The following ITPR3 variants were observed in gnomAD, a reference collection of about 807,000 sequenced individuals.
ITPR3 encodes inositol 1,4,5-trisphosphate receptor type 3.
In ITPR3, 173 loss-of-function variants were observed where a neutral mutation model predicts 293.2. That is an observed-to-expected ratio of 0.59 (90% CI 0.52 to 0.67). The LOEUF (loss-of-function observed/expected upper bound fraction) is 0.67, where lower values mean the gene tolerates loss of function less well. Among genes scored for constraint, ITPR3 ranks in the 30% least tolerant of loss-of-function variants. ITPR3 has a pLI of 0.00. For missense variants in ITPR3, 2,796 were observed against 3,592.1 expected, an observed-to-expected ratio of 0.78 and a Z score of 5.66; for synonymous variants, 1,295 against 1,444.4, an observed-to-expected ratio of 0.90 and a Z score of 2.35.
At position 33,672,766 on chromosome 6, in the gene ITPR3, C is replaced by CG. The variant is rs931551189; in HGVS notation, c.2928+544dup. ...AAAGCGGGGAGGTAAAAGCGGGGGC[C>CG]GGGGGGTGCTTTCCCAAGGTCACAG... is the stretch of plus-strand genomic sequence containing the variant. On this transcript the variant is annotated intron_variant, in intron 22 of 57. Coordinates refer to ENST00000605930, the MANE Select transcript of ITPR3 (RefSeq NM_002224.4). This position sits in a 1 kb window ranked among gnomAD's most constrained non-coding sequence, Gnocchi z 5.0. Among the ~76,000 whole-genome samples the CG allele has an allele frequency of 2.0e-5, 3 of 151,858 alleles. No homozygotes were observed. The highest frequency in any genetic ancestry group is 7.3e-5 in the African/African-American group (3 of 41,312).
At chr6:33,663,222 C>T (rs1223674420) in intron 9 of ITPR3, among the ~76,000 whole-genome samples, 1 of 152,158 alleles carries the variant, frequency 6.6e-6, no homozygotes, top group African/African-American at 2.4e-5. Context: ...AGGCACTATT[C>T]TAGGCACAGG....
In ITPR3 at chr6:33,669,078, A is replaced by T. The variant is rs755852718; in HGVS notation, c.2111A>T (p.His704Leu). ...TGGACTGACAAGAATAACGAGCATC[A>T]TGAGAAGAGTGTGAGGCAGCTGGCC... ...LTWTDKNNEH[H>L]EKSVRQLAQE... Residue 704 changes from histidine to leucine, a missense_variant, in exon 18 of 58, where the codon CAT becomes CTT. By Grantham distance (99) the His-to-Leu change is moderately conservative. Around this residue, in one of 8 missense-constraint regions of ITPR3, gnomAD observed 955 missense variants for 1,180.8 expected, o/e 0.81. Transcript: ENST00000605930. 6.2e-7 allele frequency: 1 copy of T among 1,614,218 alleles called. No individual in the cohort carries two copies. The highest frequency in any genetic ancestry group is 2.2e-5 in the East Asian group (1 of 44,886).
At position 33,640,517 on chromosome 6, in the gene ITPR3, G is replaced by T; in HGVS notation, c.123G>T (p.Ala41=). The part of the protein sequence containing the change: ...LVDDRCVVEP[A]AGDLDNPPKK... The stretch of plus-strand genomic sequence containing the variant: ...ATGACCGCTGTGTGGTGGAGCCCGC[G>T]GCCGGGGACCTGGACAACCCCCCTA... Residue 41 remains alanine (A), a synonymous_variant, in exon 2 of 58, where the codon GCG becomes GCT. Coordinates refer to ENST00000605930, the MANE Select transcript of ITPR3 (RefSeq NM_002224.4). The T allele has an allele frequency of 6.2e-7, 1 of 1,613,694 alleles. No homozygotes were observed. The highest frequency in any genetic ancestry group is 1.7e-5 in the Admixed American group (1 of 59,952).
rs536497926 is a variant in ITPR3 at position 33,638,388 on chromosome 6, C to T, written c.90-2096C>T. On this transcript the variant is annotated intron_variant, in intron 1 of 57. Coordinates refer to ENST00000605930, the MANE Select transcript of ITPR3 (RefSeq NM_002224.4). The surrounding 1 kb of genome is among the most constrained non-coding windows in gnomAD (Gnocchi z 4.3). Reference sequence around the variant, plus strand: ...CTCTCCTTCCAGGAGGAGGTCGTGACGGAGGTGGGGCTGAAAATGGGAACC... The same window carrying T: ...CTCTCCTTCCAGGAGGAGGTCGTGATGGAGGTGGGGCTGAAAATGGGAACC... Among the ~76,000 whole-genome samples the T allele has an allele frequency of 6.6e-6, 1 of 152,178 alleles. No individual in the cohort carries two copies. The highest frequency in any genetic ancestry group is 1.5e-5 in the Non-Finnish European group (1 of 68,030).
At position 33,687,722 on chromosome 6, in the gene ITPR3, G is replaced by A. The variant is rs192085024; in HGVS notation, c.6264+158G>A. ...AGGGGGCTGATTGGGACTGGCAGCC[G>A]TGGGTGAAACCCAGACAGAAATGGA... On this transcript the variant is annotated intron_variant, in intron 46 of 57. Transcript: ENST00000605930. The surrounding 1 kb of genome is among the most constrained non-coding windows in gnomAD (Gnocchi z 5.3). 1.2e-3 allele frequency among the ~76,000 whole-genome samples: 177 copies of A among 152,260 alleles called. 1 individual carries two copies. The highest frequency in any genetic ancestry group is 3.9e-3 in the African/African-American group (162 of 41,558).
In ITPR3 at chr6:33,692,965, G is replaced by C. The variant is rs1483520563; in HGVS notation, c.7624+72G>C. 2.6e-6 allele frequency: 4 copies of C among 1,531,546 alleles called. No homozygotes were observed. The highest frequency in any genetic ancestry group is 3.6e-5 in the Admixed American group (2 of 56,048). 94.9% of individuals were successfully genotyped at this position (1,531,546 alleles called of 1,614,324 possible). A position where few individuals can be genotyped will look rare whatever the true frequency, so the allele number is the denominator to read the frequency against. ...GTCATCTGATGCCAGTGGCAGTAGC[G>C]GTTTGGCCCTTCCTGCCCTGGGGAA... On this transcript the variant is annotated intron_variant, in intron 55 of 57. Transcript: ENST00000605930. This position sits in a 1 kb window ranked among gnomAD's most constrained non-coding sequence, Gnocchi z 4.2.
Position 33,682,856 on chromosome 6 carries a change from C to T in ITPR3, c.4597+212C>T, listed in dbSNP as rs1005105159. 2.6e-5 allele frequency among the ~76,000 whole-genome samples: 4 copies of T among 152,128 alleles called. No homozygotes were observed. The highest frequency in any genetic ancestry group is 4.4e-5 in the Non-Finnish European group (3 of 68,034). On this transcript the variant is annotated intron_variant, in intron 34 of 57. Transcript: ENST00000605930. The surrounding 1 kb of genome is among the most constrained non-coding windows in gnomAD (Gnocchi z 5.4). ...GGTCAGTTCCCCAGAGAAGGATGCT[C>T]GCCGACATTCTCCAGCTAGTTTTTT...
chr6:33,678,707 GC>G lies in ITPR3; in HGVS notation c.3842del (p.Pro1281LeufsTer40). 1.9e-6 allele frequency: 3 copies of G among 1,613,452 alleles called. No homozygotes were observed. The highest frequency in any genetic ancestry group is 2.5e-6 in the Non-Finnish European group (3 of 1,179,850). ...NYQLCSEISE[P>X]VLQHFVHLLA... ...ATCAGCTCTGCTCCGAGATCAGCGAGCCTGTGTTGCAGCACTTCGTGCACCT... is the reference window on the plus strand; with the variant it reads ...ATCAGCTCTGCTCCGAGATCAGCGAGCTGTGTTGCAGCACTTCGTGCACCT... On this transcript the variant is annotated frameshift_variant, in exon 30 of 58. Coordinates refer to ENST00000605930, the MANE Select transcript of ITPR3 (RefSeq NM_002224.4). LOFTEE classifies it high-confidence loss of function.
intron 17 of ITPR3, 90 bp downstream of exon 17, chr6:33,668,724 G>GGTTC: frequency 6.3e-7 from 1 of 1,576,222 alleles, no homozygotes; most frequent in Non-Finnish European, 8.6e-7. Context: ...GTTCAGGCTG[G>GGTTC]AACTGGCACC....
chr6:33,690,171 T>C lies in ITPR3; in HGVS notation c.7005T>C (p.Phe2335=), dbSNP rs1765352007. 1.2e-6 allele frequency: 2 copies of C among 1,612,034 alleles called. No individual in the cohort carries two copies. The highest frequency in any genetic ancestry group is 1.3e-5 in the African/African-American group (1 of 74,822). The change falls in exon 51 of 58, where the codon TTT becomes TTC. Residue 2335 remains phenylalanine (F), a synonymous_variant. Transcript: ENST00000605930. ...GYILTSVLGL[F]AHELFYSILL... ...TCCTGACCAGTGTCCTGGGCCTCTTTGCTCATGAGCTGTTCTACAGCATCC... is the reference window on the plus strand; with the variant it reads ...TCCTGACCAGTGTCCTGGGCCTCTTCGCTCATGAGCTGTTCTACAGCATCC...
At chr6:33,629,681 T>C (rs1285938544) in intron 1 of ITPR3, among the ~76,000 whole-genome samples, 1 of 151,858 alleles carries the variant, frequency 6.6e-6, no homozygotes, top group African/African-American at 2.4e-5. Flanking sequence ...GGTTTCACCA[T>C]GTTGGGCAGG....
In ITPR3 at chr6:33,691,582, A is replaced by C. The variant is rs1582169328; in HGVS notation, c.7226-33A>C. The C allele has an allele frequency of 6.3e-7, 1 of 1,575,952 alleles. No homozygotes were observed. Among genetic ancestry groups the C allele is most frequent in the Non-Finnish European group, 8.7e-7 (1 of 1,146,398 alleles). ...GCCAGGGGATAAGGCCAGGCACTGG[A>C]CCTCCTGATGATCTCATCCATATCC... On this transcript the variant is annotated intron_variant, in intron 52 of 57. Transcript: ENST00000605930. This position sits in a 1 kb window ranked among gnomAD's most constrained non-coding sequence, Gnocchi z 4.9.
Position 33,686,110 on chromosome 6 carries a change from C to T in ITPR3, c.5725C>T (p.Gln1909Ter). The T allele has an allele frequency of 6.2e-7, 1 of 1,614,194 alleles. No homozygotes were observed. The highest frequency in any genetic ancestry group is 8.5e-7 in the Non-Finnish European group (1 of 1,180,048). The change falls in exon 42 of 58, where the codon CAG (glutamine) becomes TAG (stop). Residue 1909 changes from glutamine (Q) to a stop codon, truncating the protein, a stop_gained. Transcript: ENST00000605930. LOFTEE classifies it high-confidence loss of function. Reference sequence around the variant, plus strand: ...CTACAACTTGGTATGCGAGACGCTGCAGTTCCTGGACATCATGTGCGGCAG... The same window carrying T: ...CTACAACTTGGTATGCGAGACGCTGTAGTTCCTGGACATCATGTGCGGCAG... Reference protein sequence around the residue: ...TNYNLVCETLQFLDIMCGSTT... With the variant: ...TNYNLVCETL
rs747058220 is a variant in ITPR3 at position 33,678,744 on chromosome 6, C to T, written c.3877C>T (p.His1293Tyr). Reference protein sequence around the residue: ...LQHFVHLLATHGRHVQYLDFL... With the variant: ...LQHFVHLLATYGRHVQYLDFL... Reference sequence around the variant, plus strand: ...GCACTTCGTGCACCTGCTGGCCACGCACGGGCGCCATGTGCAGTACCTGGA... The same window carrying T: ...GCACTTCGTGCACCTGCTGGCCACGTACGGGCGCCATGTGCAGTACCTGGA... Residue 1293 changes from histidine to tyrosine, a missense_variant, in exon 30 of 58, where the codon CAC becomes TAC. Transcript: ENST00000605930. The T allele has an allele frequency of 5.6e-6, 9 of 1,613,548 alleles. No individual in the cohort carries two copies. In the Admixed American group the frequency reaches 1.2e-4, roughly 21 times the overall value.
intron 28 of ITPR3, among the ~76,000 whole-genome samples, chr6:33,677,947 CCCTCAGCTT>C (rs2127295582): frequency 6.6e-6 from 1 of 152,312 alleles, no homozygotes; most frequent in African/African-American, 2.4e-5. Context: ...CAACCTTTGA[CCCTCAGCTT>C]CCTTACCTTG....
chr6:33,693,575 CAG>C lies in ITPR3; in HGVS notation c.7656_7657del (p.Ser2554IlefsTer2). The C allele has an allele frequency of 1.9e-6, 3 of 1,614,176 alleles. No homozygotes were observed. The highest frequency in any genetic ancestry group is 2.5e-6 in the Non-Finnish European group (3 of 1,180,024). ...GAGAGGGACAAGTTTGATAACAAGA[CAG>C]TGTCATTTGAGGAACACATCAAGCT... On this transcript the variant is annotated frameshift_variant, in exon 56 of 58. Transcript: ENST00000605930. LOFTEE classifies it high-confidence loss of function.
At chr6:33,668,436 G>A in intron 16 of ITPR3, 79 bp from the exon 17 acceptor site, 1 of 1,584,706 alleles carries the variant, frequency 6.3e-7, no homozygotes, top group Admixed American at 1.7e-5. Context: ...GCCAGCTGGG[G>A]AAGGGGAAGG....
Position 33,675,856 on chromosome 6 carries a change from G to A in ITPR3, c.3282G>A (p.Gln1094=), listed in dbSNP as rs1478073811. 6.4e-7 allele frequency: 1 copy of A among 1,558,306 alleles called. No individual in the cohort carries two copies. Among genetic ancestry groups the A allele is most frequent in the African/African-American group, 1.4e-5 (1 of 73,484 alleles). Residue 1094 remains glutamine, a splice_region_variant and synonymous_variant, in exon 25 of 58, where the codon CAG becomes CAA. Coordinates refer to ENST00000605930, the MANE Select transcript of ITPR3 (RefSeq NM_002224.4). The surrounding 1 kb of genome is among the most constrained non-coding windows in gnomAD (Gnocchi z 5.0). ...AGGAGGCCATGCACACCTTCAAGCA[G>A]GTGACGGGACTACCTGGCCCTGGCC... ...QRQEAMHTFK[Q]VQLLISAQDV...
intron 7 of ITPR3, among the ~76,000 whole-genome samples, chr6:33,662,218 G>A (rs539855957): frequency 9.7e-4 from 148 of 152,104 alleles, no homozygotes; most frequent in African/African-American, 3.2e-3. Flanking sequence ...ACTGGAGATG[G>A]GCCGTTAGAG....
Sources: allele counts gnomAD v4.1 joint callset (sites outside exome capture counted in the v4.1 genomes callset), GRCh38; gene constraint gnomAD v4.1.1; regional missense constraint gnomAD v4.1.1; non-coding constraint Gnocchi (gnomAD v3.1); transcripts MANE v1.5; gene names NCBI Gene and HGNC (gene_info 2026-07-23, HGNC 2026-07-21).